The following CCDC171 variants were observed in gnomAD, a reference collection of about 807,000 sequenced individuals.
The protein encoded by CCDC171 is coiled-coil domain-containing protein 171.
CCDC171 carries 177 observed loss-of-function variants against 168.2 expected under a neutral mutation model. The ratio of observed to expected loss-of-function variants is 1.05; its 90% CI spans 0.93 to 1.19. CCDC171 has a LOEUF of 1.19. CCDC171 is among the 50% of genes most tolerant of loss of function. CCDC171 has a pLI of 0.00. For missense variants in CCDC171, 1,991 were observed against 1,539.0 expected, an observed-to-expected ratio of 1.29 and a Z score of -4.91; for synonymous variants, 687 against 540.8, an observed-to-expected ratio of 1.27 and a Z score of -3.75.
At chr9:15,937,809 A>G (rs1827272213) in intron 25 of CCDC171, among the ~76,000 whole-genome samples, 1 of 151,972 alleles carries the variant, frequency 6.6e-6, no homozygotes. Context: ...GTCAAGGCAC[A>G]TCTTTTTCTA....
chr9:15,890,452 C>T (rs1189922639), intron 24 of CCDC171, among the ~76,000 whole-genome samples: 1 of 151,828 alleles, frequency 6.6e-6, no homozygotes, highest in Non-Finnish European at 1.5e-5. Flanking sequence ...GTCTCATCCA[C>T]TAGGTAGCTC....
At chr9:15,615,040 A>G (rs1309320800) in intron 6 of CCDC171, among the ~76,000 whole-genome samples, 2 of 152,216 alleles carry the variant, frequency 1.3e-5, no homozygotes, top group Non-Finnish European at 2.9e-5. Flanking sequence ...TGATAGCATA[A>G]TCTTGATACC....
At chr9:15,936,120 T>A (rs1348229452) in intron 25 of CCDC171, among the ~76,000 whole-genome samples, 4 of 152,048 alleles carry the variant, frequency 2.6e-5, no homozygotes, top group African/African-American at 9.7e-5. Context: ...ACAAGACTAG[T>A]GTTCCAGTGG....
chr9:15,958,931 A>C (rs1343325772), intron 25 of CCDC171, among the ~76,000 whole-genome samples: 1 of 152,118 alleles, frequency 6.6e-6, no homozygotes, highest in East Asian at 1.9e-4. Context: ...GGGAGCAAGC[A>C]GGGGGAAGGA....
chr9:15,850,691 G>A (rs1206574491), intron 23 of CCDC171, among the ~76,000 whole-genome samples: 6 of 151,966 alleles, frequency 3.9e-5, no homozygotes, highest in Non-Finnish European at 8.8e-5. Context: ...GAGTGATAAG[G>A]AGGTGGCCCA....
At chr9:15,614,514 C>T (rs181909116) in intron 6 of CCDC171, among the ~76,000 whole-genome samples, 17 of 152,242 alleles carry the variant, frequency 1.1e-4, no homozygotes, top group Admixed American at 2.6e-4. Flanking sequence ...AAAGAGTTAA[C>T]GAGAAATTAG....
intron 18 of CCDC171, among the ~76,000 whole-genome samples, chr9:15,769,664 A>G (rs1483323197): frequency 6.6e-6 from 1 of 152,224 alleles, no homozygotes; most frequent in Non-Finnish European, 1.5e-5. Context: ...CATCACTTAC[A>G]TGGCAAGTCA....
chr9:15,983,815 A>AGTGTGTGTGTGTGTGTGTGTGTGT (rs563329483), intron 3 of CCDC171, among the ~76,000 whole-genome samples: 2 of 124,508 alleles, frequency 1.6e-5, no homozygotes. Flanking sequence ...CTAAATAAAG[A>AGTGTGTGTGTGTGTGTGTGTGTGT]GAGTGTGTGT....
intron 25 of CCDC171, among the ~76,000 whole-genome samples, chr9:15,968,271 A>T (rs989915227): frequency 4.6e-5 from 7 of 152,144 alleles, no homozygotes; most frequent in African/African-American, 1.7e-4. Flanking sequence ...GAGACAGAAC[A>T]CCTCAGCAGT....
At chr9:15,939,407 A>T (rs1346607011) in intron 25 of CCDC171, among the ~76,000 whole-genome samples, 1 of 151,900 alleles carries the variant, frequency 6.6e-6, no homozygotes, top group African/African-American at 2.4e-5. Flanking sequence ...TTATTGAAAC[A>T]ATTCAACTTT....
At chr9:15,888,049 G>C (rs1004299978) in intron 24 of CCDC171, 1 of 152,208 alleles carries the variant, frequency 6.6e-6, no homozygotes, top group Non-Finnish European at 1.5e-5. Flanking sequence ...AGACTGTGCA[G>C]CGTGACTGGC....
chr9:16,054,877 C>T (rs1833810359), intron 1 of CCDC171, among the ~76,000 whole-genome samples: 1 of 152,126 alleles, frequency 6.6e-6, no homozygotes, highest in Non-Finnish European at 1.5e-5. Context: ...CCAGACACCC[C>T]CTCCCCACAC....
chr9:15,751,973 A>G (rs1020985834), intron 18 of CCDC171, among the ~76,000 whole-genome samples: 1 of 152,344 alleles, frequency 6.6e-6, no homozygotes, highest in South Asian at 2.1e-4. Flanking sequence ...TGAACAGGCA[A>G]CCTACCGAAT....
At chr9:15,935,302 C>A (rs1276844190) in intron 25 of CCDC171, among the ~76,000 whole-genome samples, 1 of 151,886 alleles carries the variant, frequency 6.6e-6, no homozygotes, top group African/African-American at 2.4e-5. Flanking sequence ...AATTTGAGTT[C>A]TAGAGCAAAC....
At chr9:15,928,789 T>A (rs1028989851) in intron 25 of CCDC171, among the ~76,000 whole-genome samples, 22 of 151,526 alleles carry the variant, frequency 1.5e-4, no homozygotes, top group Admixed American at 2.6e-4. Context: ...CAAAATATAT[T>A]TTTTTTGATC....
the CCDC171 span, among the ~76,000 whole-genome samples, chr9:16,068,634 A>G: frequency 1.3e-5 from 2 of 152,242 alleles, no homozygotes; most frequent in Admixed American, 6.5e-5. Context: ...TGCCTTCCTC[A>G]GCATGGGGGT....
intron 6 of CCDC171, among the ~76,000 whole-genome samples, chr9:15,594,940 G>C (rs1330478767): frequency 6.6e-6 from 1 of 152,116 alleles, no homozygotes; most frequent in East Asian, 1.9e-4. Context: ...ACATCTTCTA[G>C]TTATTTTGTG....
chr9:16,015,430 G>C (rs1448751994), intron 3 of CCDC171, among the ~76,000 whole-genome samples: 8 of 151,984 alleles, frequency 5.3e-5, no homozygotes, highest in African/African-American at 1.9e-4. Flanking sequence ...GATCATAAAG[G>C]GTTGTATTTA....
chr9:15,878,572 A>G (rs977248604), intron 24 of CCDC171, among the ~76,000 whole-genome samples: 1 of 152,158 alleles, frequency 6.6e-6, no homozygotes, highest in African/African-American at 2.4e-5. Flanking sequence ...CAGTGTGGCA[A>G]TTCCTCAAAA....
Sources: gnomAD v4.1 joint callset for allele counts (sites outside exome capture counted in the v4.1 genomes callset) on GRCh38, gnomAD v4.1.1 for gene constraint, MANE v1.5 for transcripts, NCBI Gene and HGNC (gene_info 2026-07-23, HGNC 2026-07-21) for gene names.